Variants in FUT8 observed in about 807,000 individuals in gnomAD.
The protein encoded by FUT8 is alpha-(1,6)-fucosyltransferase.
A neutral mutation model predicts 71.3 loss-of-function variants in FUT8; 29 were observed. That is an observed-to-expected ratio of 0.41 (90% confidence interval 0.30 to 0.55). The LOEUF (loss-of-function observed/expected upper bound fraction) is 0.55, where lower values mean the gene tolerates loss of function less well. Among genes scored for constraint, FUT8 ranks in the 20% least tolerant of loss-of-function variants. The pLI, the probability that FUT8 is intolerant of heterozygous loss-of-function variation, is 0.34. For missense variants in FUT8, 544 were observed against 702.1 expected (o/e 0.77, Z 2.55); for synonymous variants, 254 against 239.3 (o/e 1.06, Z -0.57).
intron 2 of FUT8, among the ~76,000 whole-genome samples, chr14:65,482,444 C>G (rs1026965931): frequency 6.6e-6 from 1 of 152,016 alleles, no homozygotes; most frequent in African/African-American, 2.4e-5. Flanking sequence ...CAAGAAGAAG[C>G]TGAATGTAAT....
intron 3 of FUT8, among the ~76,000 whole-genome samples, chr14:65,562,525 A>G (rs979961228): frequency 6.6e-6 from 1 of 152,158 alleles, no homozygotes; most frequent in African/African-American, 2.4e-5. Flanking sequence ...AGTAAACATA[A>G]TATTACATAG....
At chr14:65,729,197 T>C (rs1895837129) in intron 9 of FUT8, among the ~76,000 whole-genome samples, 1 of 151,592 alleles carries the variant, frequency 6.6e-6, no homozygotes, top group Non-Finnish European at 1.5e-5. Flanking sequence ...AGCTAATTTT[T>C]TATGGTAGAG....
chr14:65,515,939 A>T (rs1338819310), intron 2 of FUT8, among the ~76,000 whole-genome samples: 1 of 152,132 alleles, frequency 6.6e-6, no homozygotes, highest in Non-Finnish European at 1.5e-5. Context: ...TATAAATTTT[A>T]ATTTATTTTA....
At chr14:65,387,375 G>A in the FUT8 span, among the ~76,000 whole-genome samples, 86 of 152,210 alleles carry the variant, frequency 5.7e-4, no homozygotes, top group Non-Finnish European at 1.0e-3. Context: ...CCATTCCTGC[G>A]TGATTGCCAG....
At chr14:65,392,437 A>G in the FUT8 span, among the ~76,000 whole-genome samples, 4 of 152,214 alleles carry the variant, frequency 2.6e-5, no homozygotes, top group Non-Finnish European at 4.4e-5. Flanking sequence ...CAAGTCAGAA[A>G]ATTGCTATGC....
At chr14:65,525,441 G>C (rs533012949) in intron 2 of FUT8, among the ~76,000 whole-genome samples, 4 of 152,270 alleles carry the variant, frequency 2.6e-5, no homozygotes, top group South Asian at 2.1e-4. Flanking sequence ...GCGTCCATTT[G>C]ATTCTTCTCT....
chr14:65,600,606 AT>A (rs1888242684), intron 3 of FUT8, among the ~76,000 whole-genome samples: 1 of 152,164 alleles, frequency 6.6e-6, no homozygotes, highest in African/African-American at 2.4e-5. Context: ...TATATAAAAC[AT>A]TTGTAAAAAA....
At chr14:65,500,080 T>C (rs1170035463) in intron 2 of FUT8, among the ~76,000 whole-genome samples, 2 of 152,166 alleles carry the variant, frequency 1.3e-5, no homozygotes, top group Non-Finnish European at 2.9e-5. Context: ...GTAGGGATCA[T>C]AATAACATGT....
intron 3 of FUT8, among the ~76,000 whole-genome samples, chr14:65,587,524 A>G (rs1887457796): frequency 6.6e-6 from 1 of 152,208 alleles, no homozygotes. Context: ...ATGTGTGTGT[A>G]TAGGCTGAAA....
intron 3 of FUT8, among the ~76,000 whole-genome samples, chr14:65,591,149 T>G (rs1349874315): frequency 1.3e-5 from 2 of 152,194 alleles, no homozygotes; most frequent in East Asian, 3.8e-4. Flanking sequence ...AAGAATAGTG[T>G]GAATACATTT....
At chr14:65,739,979 T>C (rs1158091239) in intron 10 of FUT8, among the ~76,000 whole-genome samples, 3 of 152,090 alleles carry the variant, frequency 2.0e-5, no homozygotes, top group Non-Finnish European at 4.4e-5. Context: ...AATATTAGCC[T>C]CTGTCATTGT....
the FUT8 span, among the ~76,000 whole-genome samples, chr14:65,372,054 G>C: frequency 6.6e-6 from 1 of 152,016 alleles, no homozygotes; most frequent in African/African-American, 2.4e-5. Context: ...TTCTGTATTT[G>C]TACCTCCCTT....
At chr14:65,584,371 G>A (rs1887261667) in intron 3 of FUT8, among the ~76,000 whole-genome samples, 1 of 152,100 alleles carries the variant, frequency 6.6e-6, no homozygotes, top group Non-Finnish European at 1.5e-5. Flanking sequence ...GTAGAGACGG[G>A]GTTTCGCCAT....
chr14:65,729,034 GTTTTTTTT>G (rs557668131), intron 9 of FUT8, among the ~76,000 whole-genome samples: 5 of 103,678 alleles, frequency 4.8e-5, no homozygotes, highest in African/African-American at 1.6e-4. Flanking sequence ...TTGTAAACAT[GTTTTTTTT>G]TTTTTTTTTT....
At chr14:65,665,088 G>A (rs1438122167) in intron 6 of FUT8, among the ~76,000 whole-genome samples, 1 of 152,092 alleles carries the variant, frequency 6.6e-6, no homozygotes, top group Non-Finnish European at 1.5e-5. Flanking sequence ...ATTCAGTTGT[G>A]AAAATGGCTG....
chr14:65,534,869 AACTCCTG>A (rs1884190483), intron 2 of FUT8, among the ~76,000 whole-genome samples: 2 of 151,502 alleles, frequency 1.3e-5, no homozygotes, highest in African/African-American at 4.8e-5. Context: ...TCAAAAAACA[AACTCCTG>A]ACTTCATTGA....
At chr14:65,713,497 G>T (rs192649355) in intron 7 of FUT8, among the ~76,000 whole-genome samples, 69 of 152,270 alleles carry the variant, frequency 4.5e-4, no homozygotes, top group African/African-American at 1.5e-3. Context: ...TGTAGTGGTT[G>T]TACTAATTTA....
chr14:65,528,935 A>G (rs141644938), intron 2 of FUT8: 2 of 153,528 alleles, frequency 1.3e-5, no homozygotes, highest in African/African-American at 2.4e-5. Context: ...AGCAGATTCT[A>G]GAAACTTGCC....
chr14:65,416,678 T>C (rs149486744), intron 1 of FUT8, among the ~76,000 whole-genome samples: 9 of 152,214 alleles, frequency 5.9e-5, no homozygotes, highest in Admixed American at 2.6e-4. Flanking sequence ...TAAAAGATAT[T>C]TACGACTGAT....
Sources: allele counts gnomAD v4.1 joint callset (sites outside exome capture counted in the v4.1 genomes callset), GRCh38; gene constraint gnomAD v4.1.1; transcripts MANE v1.5; gene names NCBI Gene and HGNC (gene_info 2026-07-23, HGNC 2026-07-21).